Variants in SNX24 observed in about 807,000 individuals in gnomAD.
SNX24 encodes sorting nexin 24, also known as sorting nexin-24.
A neutral mutation model predicts 28.7 loss-of-function variants in SNX24; 22 were observed. That is an observed-to-expected ratio of 0.77 (90% confidence interval 0.55 to 1.10). The LOEUF (loss-of-function observed/expected upper bound fraction) is 1.10. Among genes scored for constraint, SNX24 ranks in the 50% least tolerant of loss-of-function variants. The pLI, the probability that SNX24 is intolerant of heterozygous loss-of-function variation, is 0.00. For missense variants in SNX24, 221 were observed against 201.1 expected, an observed-to-expected ratio of 1.10 and a Z score of -0.60; for synonymous variants, 69 against 71.5, an observed-to-expected ratio of 0.96 and a Z score of 0.18.
At chr5:122,982,775 G>A (rs443437) in intron 3 of SNX24, among the ~76,000 whole-genome samples, 149,271 of 152,316 alleles carry the variant, frequency 0.98, 73,158 homozygotes, top group East Asian at 1. Flanking sequence ...TGCTTTCAGC[G>A]AAGTCCTTTA....
At chr5:122,940,631 G>T (rs557070300) in intron 2 of SNX24, among the ~76,000 whole-genome samples, 1 of 152,102 alleles carries the variant, frequency 6.6e-6, no homozygotes, top group South Asian at 2.1e-4. Flanking sequence ...GAGTGCAGTG[G>T]TGCAATCTAA....
At chr5:123,022,385 C>T (rs1762773787) in intron 5 of SNX24, 1 of 152,072 alleles carries the variant, frequency 6.6e-6, no homozygotes, top group Non-Finnish European at 1.5e-5. Flanking sequence ...ACAGACAACA[C>T]TTCCCATCTG....
intron 1 of SNX24, among the ~76,000 whole-genome samples, chr5:122,896,778 T>G (rs1287336693): frequency 6.6e-6 from 1 of 152,264 alleles, no homozygotes; most frequent in Non-Finnish European, 1.5e-5. Flanking sequence ...ACAGCTTGTT[T>G]ATAAAGCAGC....
intron 3 of SNX24, among the ~76,000 whole-genome samples, chr5:122,977,659 G>A (rs998667958): frequency 1.3e-5 from 2 of 152,090 alleles, no homozygotes; most frequent in Admixed American, 6.6e-5. Flanking sequence ...CAAAGCTACT[G>A]CACTTCTATA....
intron 1 of SNX24, among the ~76,000 whole-genome samples, chr5:122,925,727 A>G (rs1226519665): frequency 6.6e-6 from 1 of 152,138 alleles, no homozygotes; most frequent in African/African-American, 2.4e-5. Flanking sequence ...CCTTTCCACT[A>G]TTAGATTACT....
At chr5:122,931,277 G>C (rs1758942294) in intron 1 of SNX24, among the ~76,000 whole-genome samples, 1 of 152,052 alleles carries the variant, frequency 6.6e-6, no homozygotes, top group Non-Finnish European at 1.5e-5. Flanking sequence ...TCAAATTTTT[G>C]TGCTAGTTTT....
At chr5:122,981,406 A>AC (rs1761386873) in intron 3 of SNX24, among the ~76,000 whole-genome samples, 1 of 152,174 alleles carries the variant, frequency 6.6e-6, no homozygotes, top group Non-Finnish European at 1.5e-5. Flanking sequence ...GAGTGAGAAG[A>AC]TGAAAAAGAT....
At chr5:122,868,884 A>G (rs1405548380) in intron 1 of SNX24, among the ~76,000 whole-genome samples, 1 of 152,246 alleles carries the variant, frequency 6.6e-6, no homozygotes, top group Admixed American at 6.5e-5. Context: ...AGTCAAGTAG[A>G]CACATAAAAT....
chr5:122,868,054 T>G (rs1210152122), intron 1 of SNX24, among the ~76,000 whole-genome samples: 2 of 152,226 alleles, frequency 1.3e-5, no homozygotes, highest in African/African-American at 4.8e-5. Flanking sequence ...ACTGCAGCTG[T>G]GCACTTCCAG....
At chr5:122,899,606 G>A (rs1757343126) in intron 1 of SNX24, among the ~76,000 whole-genome samples, 1 of 152,050 alleles carries the variant, frequency 6.6e-6, no homozygotes, top group Admixed American at 6.5e-5. Flanking sequence ...ATGGGGTTTT[G>A]CCATGTTGCC....
chr5:122,972,458 G>A (rs1425553229), intron 3 of SNX24, among the ~76,000 whole-genome samples: 1 of 152,214 alleles, frequency 6.6e-6, no homozygotes, highest in Non-Finnish European at 1.5e-5. Flanking sequence ...GCCCTGCAAA[G>A]TATTGTCACC....
At position 122,891,239 on chromosome 5, in the gene SNX24, A is replaced by G. The variant is rs747011222; in HGVS notation, c.61-45495A>G. Reference sequence around the variant, plus strand: ...TAGGAATGTTGACTTTAAAGTGCCTATTTATTCTAATATCAATGTATTCTA... The same window carrying G: ...TAGGAATGTTGACTTTAAAGTGCCTGTTTATTCTAATATCAATGTATTCTA... On this transcript the variant is annotated intron_variant, in intron 1 of 6. Transcript: ENST00000261369. The G allele has an allele frequency of 4.1e-4, 419 of 1,023,484 alleles. 1 individual carries two copies. In the Middle Eastern group the frequency reaches 8.6e-3, roughly 21 times the overall value. The allele number at this position is 1,023,484 out of a possible 1,614,324, so 63.4% of individuals were successfully genotyped here.
chr5:122,962,123 A>G (rs1023982400), intron 3 of SNX24, among the ~76,000 whole-genome samples: 1 of 152,172 alleles, frequency 6.6e-6, no homozygotes, highest in African/African-American at 2.4e-5. Context: ...CATTATAACT[A>G]TGGATAATTG....
At chr5:122,894,825 T>C (rs773441629) in intron 1 of SNX24, among the ~76,000 whole-genome samples, 2 of 152,210 alleles carry the variant, frequency 1.3e-5, no homozygotes, top group Non-Finnish European at 2.9e-5. Context: ...TGACTGCACA[T>C]TCTCATAGAA....
intron 3 of SNX24, among the ~76,000 whole-genome samples, chr5:122,951,391 T>C (rs1759937018): frequency 6.6e-6 from 1 of 152,042 alleles, no homozygotes; most frequent in Non-Finnish European, 1.5e-5. Flanking sequence ...TAATATTTGC[T>C]CATTAACACA....
chr5:122,898,984 C>T (rs1346361248), intron 1 of SNX24, among the ~76,000 whole-genome samples: 1 of 152,192 alleles, frequency 6.6e-6, no homozygotes, highest in Non-Finnish European at 1.5e-5. Context: ...TAGAGGCTTA[C>T]AGTGTTTATG....
chr5:122,995,238 T>C (rs540874121), intron 3 of SNX24, among the ~76,000 whole-genome samples: 1 of 152,336 alleles, frequency 6.6e-6, no homozygotes, highest in South Asian at 2.1e-4. Flanking sequence ...TTGACAGTAC[T>C]TTCTTCTTCT....
chr5:122,971,906 C>T (rs993093767), intron 3 of SNX24, among the ~76,000 whole-genome samples: 3 of 152,072 alleles, frequency 2.0e-5, no homozygotes, highest in African/African-American at 7.2e-5. Context: ...GTGATCCAAA[C>T]CTTCATTCCT....
At chr5:122,927,248 T>G (rs1037123348) in intron 1 of SNX24, among the ~76,000 whole-genome samples, 1 of 152,136 alleles carries the variant, frequency 6.6e-6, no homozygotes, top group African/African-American at 2.4e-5. Context: ...AAGAGAGCAA[T>G]GGAAGACATA....
Sources: gnomAD v4.1 joint callset for allele counts (sites outside exome capture counted in the v4.1 genomes callset) on GRCh38, gnomAD v4.1.1 for gene constraint, MANE v1.5 for transcripts, NCBI Gene and HGNC (gene_info 2026-07-23, HGNC 2026-07-21) for gene names.